BCAS1: variants seen among roughly 807,000 people sequenced by gnomAD.
The protein encoded by BCAS1 is brain enriched myelin associated protein 1.
BCAS1 carries 46 observed loss-of-function variants against 65.4 expected under a neutral mutation model. The ratio of observed to expected loss-of-function variants is 0.70; its 90% confidence interval spans 0.55 to 0.90. The LOEUF (loss-of-function observed/expected upper bound fraction) is 0.90. Among genes scored for constraint, BCAS1 ranks in the 40% least tolerant of loss-of-function variants. BCAS1 has a pLI of 0.00. For synonymous variants in BCAS1, 298 were observed against 293.5 expected (o/e 1.02, Z -0.16); for missense variants, 793 against 771.2 (o/e 1.03, Z -0.33).
chr20:54,067,483 C>G (rs1027243314), intron 1 of BCAS1, among the ~76,000 whole-genome samples: 1 of 152,164 alleles, frequency 6.6e-6, no homozygotes, highest in Non-Finnish European at 1.5e-5. Context: ...GGTGAGTAAA[C>G]GTTAGTTATT....
chr20:53,974,623 C>T (rs1004302542), intron 9 of BCAS1, among the ~76,000 whole-genome samples: 3 of 152,184 alleles, frequency 2.0e-5, no homozygotes, highest in Non-Finnish European at 2.9e-5. Context: ...TGATAATGTT[C>T]GGTTTCTATC....
rs184189307 is a variant in BCAS1 at position 54,034,875 on chromosome 20, C to T, written c.143-5903G>A. Among the ~76,000 whole-genome samples the T allele has an allele frequency of 4.0e-4, 61 of 151,472 alleles. 3 individuals are homozygous for T. Among genetic ancestry groups the T allele is most frequent in the Middle Eastern group, 3.4e-3 (1 of 290 alleles). On this transcript the variant is annotated intron_variant, in intron 3 of 12. Coordinates refer to ENST00000688948, the MANE Select transcript of BCAS1 (RefSeq NM_001366298.2). ...AAGCTGAAGGCATCATGCTACCTGA[C>T]TTCAAACTATACTACAAGGCTACAG...
At chr20:53,996,132 C>T in intron 4 of BCAS1, 82 bp from the exon 5 acceptor site, 1 of 1,408,894 alleles carries the variant, frequency 7.1e-7, no homozygotes, top group Non-Finnish European at 9.5e-7. Flanking sequence ...ACCCCTTTCT[C>T]TCTTACCCCC....
intron 4 of BCAS1, among the ~76,000 whole-genome samples, chr20:53,997,457 ATTGTTT>A (rs1411701132): frequency 6.6e-6 from 1 of 152,150 alleles, no homozygotes; most frequent in Non-Finnish European, 1.5e-5. Context: ...TGGTTATAAC[ATTGTTT>A]ATTGTCTAAT....
intron 10 of BCAS1, among the ~76,000 whole-genome samples, chr20:53,964,313 G>A (rs1053827729): frequency 6.6e-5 from 10 of 152,166 alleles, no homozygotes; most frequent in Admixed American, 5.2e-4. Context: ...GAGTGGTAGG[G>A]ACTTTAGTAA....
chr20:54,007,618 C>T (rs2091228743), intron 4 of BCAS1, among the ~76,000 whole-genome samples: 1 of 152,214 alleles, frequency 6.6e-6, no homozygotes. Context: ...ATCTGCCGGC[C>T]CAGGGCAAGG....
chr20:53,944,839 A>G lies in BCAS1; in HGVS notation c.*83T>C. The stretch of plus-strand genomic sequence containing the variant: ...TGCTGGCCATCAGAAGAATATATAC[A>G]TGGAGCGTGTTTGGGGAGGAGATGG... On this transcript the variant is annotated 3_prime_UTR_variant, in exon 13 of 13. Transcript: ENST00000688948. 1 of 1,258,664 alleles carries G rather than the reference A, an allele frequency of 7.9e-7. No homozygotes were observed. The highest frequency in any genetic ancestry group is 1.2e-6 in the Non-Finnish European group (1 of 856,328). 78.0% of individuals were successfully genotyped at this position (1,258,664 alleles called of 1,614,324 possible).
At position 54,041,632 on chromosome 20, in the gene BCAS1, C is replaced by G. The variant is rs186386055; in HGVS notation, c.143-12660G>C. Among the ~76,000 whole-genome samples, 102 of 152,100 alleles carry G rather than the reference C, an allele frequency of 6.7e-4. No homozygotes were observed. In the East Asian group the frequency reaches 0.016, roughly 24 times the overall value. ...GTACGGTGGCTTAACGCCTGTAATC[C>G]TAGCACTTTGGGAGGCCGAGGTGGG... is the stretch of plus-strand genomic sequence containing the variant. On this transcript the variant is annotated intron_variant, in intron 3 of 12. Transcript: ENST00000688948.
intron 11 of BCAS1, among the ~76,000 whole-genome samples, chr20:53,955,142 T>C (rs1303586759): frequency 2.6e-5 from 4 of 152,152 alleles, no homozygotes; most frequent in Non-Finnish European, 4.4e-5. Context: ...GTAGGAGAAC[T>C]TTCTTTTCAC....
chr20:53,949,003 T>A (rs2089426485), intron 12 of BCAS1, among the ~76,000 whole-genome samples: 1 of 152,150 alleles, frequency 6.6e-6, no homozygotes, highest in South Asian at 2.1e-4. Context: ...AGCCTCCATT[T>A]GTTCACCTGC....
Position 53,987,215 on chromosome 20 carries a change from A to C in BCAS1, c.1063-1716T>G, listed in dbSNP as rs574377741. Among the ~76,000 whole-genome samples the C allele has an allele frequency of 2.6e-5, 4 of 152,394 alleles. No individual in the cohort carries two copies. In the South Asian group the frequency reaches 8.3e-4, roughly 32 times the overall value. On this transcript the variant is annotated intron_variant, in intron 7 of 12. Transcript: ENST00000688948. ...AGGAGTCATCCATTGAGCAGATTCT[A>C]AGTTCAAGTTAAGATAAAGAACTGA... is the stretch of plus-strand genomic sequence containing the variant.
intron 6 of BCAS1, among the ~76,000 whole-genome samples, chr20:53,994,654 C>G (rs769368512): frequency 2.0e-5 from 3 of 152,038 alleles, no homozygotes; most frequent in Non-Finnish European, 4.4e-5. Flanking sequence ...CTGTTTTTTA[C>G]TATATTCCCT....
chr20:54,057,278 T>C (rs1028591937), intron 3 of BCAS1, among the ~76,000 whole-genome samples: 6 of 152,216 alleles, frequency 3.9e-5, no homozygotes, highest in Admixed American at 3.3e-4. Context: ...GCTGTGCACA[T>C]TTGGGGAAAA....
intron 4 of BCAS1, among the ~76,000 whole-genome samples, chr20:54,024,227 CACT>C (rs2091622404): frequency 6.6e-6 from 1 of 152,184 alleles, no homozygotes; most frequent in South Asian, 2.1e-4. Context: ...ATGTTTAATT[CACT>C]ACTAAATACC....
At chr20:54,035,050 A>T (rs539148567) in intron 3 of BCAS1, among the ~76,000 whole-genome samples, 27 of 151,496 alleles carry the variant, frequency 1.8e-4, no homozygotes, top group African/African-American at 6.5e-4. Context: ...TTTCCTATTC[A>T]ATAAAAAGTG....
chr20:53,956,542 T>C (rs2089705386), intron 11 of BCAS1, among the ~76,000 whole-genome samples: 1 of 152,238 alleles, frequency 6.6e-6, no homozygotes, highest in Non-Finnish European at 1.5e-5. Flanking sequence ...CTAAGTGTTT[T>C]ACATGTATTG....
intron 3 of BCAS1, among the ~76,000 whole-genome samples, chr20:54,042,872 C>A (rs1372409364): frequency 6.6e-6 from 1 of 152,224 alleles, no homozygotes; most frequent in African/African-American, 2.4e-5. Context: ...AGCAGCGAGG[C>A]AGGTTCTAAC....
Position 53,969,949 on chromosome 20 carries a change from A to T in BCAS1, c.1318-2876T>A, listed in dbSNP as rs149105674. On this transcript the variant is annotated intron_variant, in intron 9 of 12. Transcript: ENST00000688948. ...AGATTACTAACTTAGACTAATCATG[A>T]TCAAATACTTTGGGGGTATAAAGTT... 2.6e-3 allele frequency among the ~76,000 whole-genome samples: 392 copies of T among 152,302 alleles called. 3 individuals are homozygous for T. The highest frequency in any genetic ancestry group is 9.2e-3 in the African/African-American group (382 of 41,570).
Position 54,028,573 on chromosome 20 carries a change from C to A in BCAS1, c.542G>T (p.Gly181Val). 1 of 1,614,172 alleles carries A rather than the reference C, an allele frequency of 6.2e-7. No homozygotes were observed. Among genetic ancestry groups the A allele is most frequent in the Middle Eastern group, 1.6e-4 (1 of 6,062 alleles). Reference protein sequence around the residue: ...TLLPPETGGAGGEAPSKPKDS... With the variant: ...TLLPPETGGAVGEAPSKPKDS... ...CTTGGGCTTGGAGGGAGCTTCTCCTCCTGCTCCCCCTGTCTCAGGTGGGAG... is the reference window on the plus strand; with the variant it reads ...CTTGGGCTTGGAGGGAGCTTCTCCTACTGCTCCCCCTGTCTCAGGTGGGAG... Residue 181 changes from glycine (G) to valine (V), a missense_variant, in exon 4 of 13, where the codon GGA becomes GTA. Physicochemically the swap from Gly to Val is moderately radical, Grantham distance 109. Coordinates refer to ENST00000688948, the MANE Select transcript of BCAS1 (RefSeq NM_001366298.2).
Sources: allele counts gnomAD v4.1 joint callset (sites outside exome capture counted in the v4.1 genomes callset), GRCh38; gene constraint gnomAD v4.1.1; transcripts MANE v1.5; gene names NCBI Gene and HGNC (gene_info 2026-07-23, HGNC 2026-07-21).